HDAC9: variants seen among roughly 807,000 people sequenced by gnomAD.
HDAC9 encodes the protein MEF-2 interacting transcription repressor (MITR) protein.
Under a neutral mutation model 139.4 loss-of-function variants are expected in HDAC9, and 41 were observed. That is an observed-to-expected ratio of 0.29 (90% CI 0.23 to 0.38). The LOEUF is 0.38. Among genes scored for constraint, HDAC9 ranks in the 10% least tolerant of loss-of-function variants. The probability of loss-of-function intolerance (pLI) is 1.00; values close to 1 mark genes in which losing one functional copy is unlikely to be tolerated. For synonymous variants in HDAC9, 517 were observed against 476.2 expected (o/e 1.09, Z -1.12); for missense variants, 1,147 against 1,297.0 (o/e 0.88, Z 1.78).
intron 24 of HDAC9, among the ~76,000 whole-genome samples, chr7:18,965,878 T>C (rs569732423): frequency 3.3e-5 from 5 of 152,280 alleles, no homozygotes; most frequent in African/African-American, 1.2e-4. Flanking sequence ...TGCACTCAAT[T>C]AGTAAGGGGC....
intron 1 of HDAC9, among the ~76,000 whole-genome samples, chr7:18,392,191 G>T (rs189025028): frequency 6.6e-6 from 1 of 151,880 alleles, no homozygotes; most frequent in Admixed American, 6.6e-5. Context: ...GGCAATCTGG[G>T]ATTATTATAA....
chr7:18,664,354 G>C lies in HDAC9; in HGVS notation c.1468-1859G>C, dbSNP rs938282242. ...GTGATATGAGTTTTGATTGGTATATGTTTTCTTAGCTTGATCTTGTCTGAC... is the reference window on the plus strand; with the variant it reads ...GTGATATGAGTTTTGATTGGTATATCTTTTCTTAGCTTGATCTTGTCTGAC... On this transcript the variant is annotated intron_variant, in intron 11 of 25. Transcript: ENST00000686413. Among the ~76,000 whole-genome samples the C allele has an allele frequency of 3.3e-5, 5 of 152,036 alleles. No homozygotes were observed. The East Asian group carries it at 9.7e-4, about 29-fold the overall frequency.
intron 1 of HDAC9, among the ~76,000 whole-genome samples, chr7:18,103,803 C>T (rs765323917): frequency 2.0e-5 from 3 of 151,808 alleles, no homozygotes; most frequent in African/African-American, 2.4e-5. Flanking sequence ...ACATAAAGAT[C>T]GAAATATTTC....
chr7:18,665,410 ATTG>A (rs747628572), intron 11 of HDAC9, among the ~76,000 whole-genome samples: 5 of 152,124 alleles, frequency 3.3e-5, no homozygotes, highest in Non-Finnish European at 7.4e-5. Flanking sequence ...ATATTTTGCT[ATTG>A]TTTAAGTTAG....
At chr7:18,131,058 T>C (rs911279199) in intron 1 of HDAC9, among the ~76,000 whole-genome samples, 1 of 152,134 alleles carries the variant, frequency 6.6e-6, no homozygotes, top group Non-Finnish European at 1.5e-5. Context: ...TTGCTCAAAT[T>C]TGTGCTCTTT....
chr7:18,643,535 T>C (rs1786398651), intron 8 of HDAC9, among the ~76,000 whole-genome samples: 1 of 152,150 alleles, frequency 6.6e-6, no homozygotes, highest in African/African-American at 2.4e-5. Context: ...GATGATGTTT[T>C]GGAATAACAT....
intron 6 of HDAC9, among the ~76,000 whole-genome samples, chr7:18,600,805 A>G (rs1833739140): frequency 6.6e-6 from 1 of 152,018 alleles, no homozygotes; most frequent in Non-Finnish European, 1.5e-5. Flanking sequence ...TAACCACCAA[A>G]TAACTTACTG....
intron 2 of HDAC9, among the ~76,000 whole-genome samples, chr7:18,256,115 G>A (rs567184526): frequency 3.3e-5 from 5 of 152,082 alleles, no homozygotes; most frequent in South Asian, 2.1e-4. Context: ...GTTTGCCCCC[G>A]TTTTTAGGTT....
intron 2 of HDAC9, among the ~76,000 whole-genome samples, chr7:18,202,127 A>C (rs1489260216): frequency 6.6e-6 from 1 of 152,194 alleles, no homozygotes; most frequent in African/African-American, 2.4e-5. Flanking sequence ...ATTCTCAGCC[A>C]TCTATAGGTG....
chr7:18,830,261 G>A (rs971920857), intron 19 of HDAC9, among the ~76,000 whole-genome samples: 4 of 152,150 alleles, frequency 2.6e-5, no homozygotes, highest in Admixed American at 6.5e-5. Context: ...AGGAAAGGGC[G>A]AAAGAGAAGT....
At chr7:18,376,157 C>T (rs774609432) in intron 1 of HDAC9, among the ~76,000 whole-genome samples, 1 of 151,880 alleles carries the variant, frequency 6.6e-6, no homozygotes. Context: ...AAGAGATACA[C>T]GGAAGGCCAC....
At chr7:18,312,119 G>A (rs181062200) in intron 1 of HDAC9, among the ~76,000 whole-genome samples, 11 of 152,280 alleles carry the variant, frequency 7.2e-5, no homozygotes, top group Admixed American at 6.5e-4. Flanking sequence ...GTGCAGGACT[G>A]CTACCATGGC....
chr7:18,571,239 C>T (rs958381322), intron 2 of HDAC9, among the ~76,000 whole-genome samples: 2 of 151,996 alleles, frequency 1.3e-5, no homozygotes, highest in African/African-American at 4.8e-5. Context: ...TTTAAAATTC[C>T]CATAATTTCA....
Position 18,590,481 on chromosome 7 carries a change from G to A in HDAC9, c.410G>A (p.Arg137Gln), listed in dbSNP as rs1437829886. ...LPPLRGKDRG[R>Q]ERAVASTEVK... is the part of the protein sequence containing the mutation. ...CCTCTCAGAGGCAAAGATAGAGGAC[G>A]AGAAAGTAAGAGGCACCAGGGTAAA... The change falls in exon 4 of 26, where the codon CGA (arginine) becomes CAA (glutamine). Residue 137 changes from arginine (R) to glutamine (Q), a missense_variant. By Grantham distance (43) the Arg-to-Gln change is conservative. This residue lies in a region of HDAC9 where 136 missense variants were observed against 183.5 expected (regional missense o/e 0.74). Coordinates refer to ENST00000686413, the MANE Select transcript of HDAC9 (RefSeq NM_178425.4). 1.9e-6 allele frequency: 3 copies of A among 1,593,596 alleles called. No homozygotes were observed. The highest frequency in any genetic ancestry group is 2.6e-6 in the Non-Finnish European group (3 of 1,169,772).
At chr7:18,503,595 A>C (rs1045215447) in intron 2 of HDAC9, among the ~76,000 whole-genome samples, 2 of 152,166 alleles carry the variant, frequency 1.3e-5, no homozygotes, top group African/African-American at 4.8e-5. Flanking sequence ...TTTCGTGTAC[A>C]GTGTTTCTTA....
At chr7:18,975,179 C>T (rs1035108730) in intron 24 of HDAC9, among the ~76,000 whole-genome samples, 1 of 152,156 alleles carries the variant, frequency 6.6e-6, no homozygotes, top group African/African-American at 2.4e-5. Context: ...AAAAAAGAAA[C>T]ATCAGTATGA....
intron 13 of HDAC9, among the ~76,000 whole-genome samples, chr7:18,733,106 CAT>C (rs1377687403): frequency 1.8e-4 from 26 of 142,424 alleles, no homozygotes; most frequent in East Asian, 1.5e-3. Context: ...TGTATATATA[CAT>C]ATATATGTGT....
intron 12 of HDAC9, among the ~76,000 whole-genome samples, chr7:18,710,384 CA>C (rs1784256429): frequency 6.6e-6 from 1 of 152,130 alleles, no homozygotes; most frequent in South Asian, 2.1e-4. Flanking sequence ...TTTAATTATT[CA>C]AAATCTTAAA....
intron 2 of HDAC9, among the ~76,000 whole-genome samples, chr7:18,199,151 A>C (rs970353757): frequency 6.6e-6 from 1 of 152,174 alleles, no homozygotes; most frequent in Non-Finnish European, 1.5e-5. Context: ...ACTAACAGTT[A>C]AGAGTTTTCT....
Sources: allele counts gnomAD v4.1 joint callset (sites outside exome capture counted in the v4.1 genomes callset), GRCh38; gene constraint gnomAD v4.1.1; regional missense constraint gnomAD v4.1.1; transcripts MANE v1.5; gene names NCBI Gene and HGNC (gene_info 2026-07-23, HGNC 2026-07-21).